The following MED12L variants were observed in gnomAD, a reference collection of about 807,000 sequenced individuals.
MED12L encodes the protein mediator of RNA polymerase II transcription subunit 12-like protein.
In MED12L, 60 loss-of-function variants were observed where a neutral mutation model predicts 281.3. The ratio of observed to expected loss-of-function variants is 0.21; its 90% confidence interval spans 0.17 to 0.26. The LOEUF is 0.26. Among genes scored for constraint, MED12L ranks in the 10% least tolerant of loss-of-function variants. The pLI is 1.00. For missense variants in MED12L, 2,146 were observed against 2,680.9 expected (o/e 0.80, Z 4.41); for synonymous variants, 974 against 987.2 (o/e 0.99, Z 0.25).
At position 151,432,948 on chromosome 3, in the gene MED12L, A is replaced by G. The variant is rs1301943996; in HGVS notation, c.*144A>G. The G allele has an allele frequency of 1.1e-4, 68 of 630,404 alleles. 2 individuals carry two copies. In the East Asian group the frequency reaches 1.8e-3, roughly 17 times the overall value. The allele number at this position is 630,404 out of a possible 1,614,324, so 39.1% of individuals were successfully genotyped here. A position where few individuals can be genotyped will look rare whatever the true frequency, so the allele number is the denominator to read the frequency against. On this transcript the variant is annotated 3_prime_UTR_variant, in exon 45 of 45. Transcript: ENST00000687756. ...ATTTTATGCTACATCTCACAAAAAA[A>G]AAAAAAGGTGTTTAAACAAAAAGCC...
chr3:151,418,637 G>A (rs983836045), intron 43 of MED12L, among the ~76,000 whole-genome samples: 3 of 152,154 alleles, frequency 2.0e-5, no homozygotes, highest in South Asian at 2.1e-4. Flanking sequence ...GATATACATT[G>A]TTGGTGATAT....
Position 151,247,262 on chromosome 3 carries a change from G to A in MED12L, c.2250+53596G>A, listed in dbSNP as rs1275254947. ...ATTTGACCCAGCCATCCCATTACTG[G>A]GTATATACCCAAAGGATTATAAATC... On this transcript the variant is annotated intron_variant, in intron 16 of 44. Coordinates refer to ENST00000687756, the MANE Select transcript of MED12L (RefSeq NM_001393769.1). 2.6e-5 allele frequency among the ~76,000 whole-genome samples: 4 copies of A among 151,846 alleles called. No homozygotes were observed. The South Asian group carries it at 8.3e-4, about 32-fold the overall frequency.
intron 16 of MED12L, among the ~76,000 whole-genome samples, chr3:151,195,910 A>AG (rs201301402): frequency 0.018 from 2,799 of 152,330 alleles, 34 homozygotes; most frequent in Non-Finnish European, 0.029. Context: ...GAAAGAATTA[A>AG]GGGGGGTGAT....
chr3:151,339,609 C>T (rs567240222), intron 16 of MED12L, among the ~76,000 whole-genome samples: 1 of 151,702 alleles, frequency 6.6e-6, no homozygotes, highest in East Asian at 1.9e-4. Context: ...CATACATTTT[C>T]TTGAATATCA....
At chr3:151,205,029 C>A (rs1044333977) in intron 16 of MED12L, among the ~76,000 whole-genome samples, 8 of 152,144 alleles carry the variant, frequency 5.3e-5, no homozygotes, top group South Asian at 4.1e-4. Flanking sequence ...AATCATATTC[C>A]TCCTTCTGAG....
intron 5 of MED12L, among the ~76,000 whole-genome samples, chr3:151,155,273 C>T (rs571204248): frequency 1.1e-4 from 17 of 152,098 alleles, no homozygotes; most frequent in Non-Finnish European, 2.1e-4. Context: ...GCAATTATTA[C>T]ATTTTTATCC....
intron 23 of MED12L, among the ~76,000 whole-genome samples, chr3:151,366,769 G>T (rs1755335770): frequency 6.6e-6 from 1 of 152,118 alleles, no homozygotes; most frequent in African/African-American, 2.4e-5. Flanking sequence ...GAAGACTTAA[G>T]AATTTATGTA....
chr3:151,184,759 C>T (rs972994993), intron 11 of MED12L, among the ~76,000 whole-genome samples: 10 of 152,114 alleles, frequency 6.6e-5, no homozygotes, highest in East Asian at 5.8e-4. Flanking sequence ...ATTGTTGGTT[C>T]GTTTTGGTGC....
At position 151,132,111 on chromosome 3, in the gene MED12L, T is replaced by C. The variant is rs528035921; in HGVS notation, c.556+4127T>C. ...TAATAATATTTCTTATGTTAGAGTA[T>C]CCAGGCTTTGAACTAAGACAGGCCA... On this transcript the variant is annotated intron_variant, in intron 5 of 44. Coordinates refer to ENST00000687756, the MANE Select transcript of MED12L (RefSeq NM_001393769.1). Among the ~76,000 whole-genome samples the C allele has an allele frequency of 3.3e-5, 5 of 152,338 alleles. No homozygotes were observed. The South Asian group carries it at 8.3e-4, about 25-fold the overall frequency.
chr3:151,180,678 G>A (rs185826873), intron 11 of MED12L, among the ~76,000 whole-genome samples: 14 of 152,254 alleles, frequency 9.2e-5, no homozygotes, highest in Admixed American at 1.3e-4. Context: ...AGGTGAAGAC[G>A]TGTCAGTTAC....
chr3:151,346,628 G>C (rs1225680072), intron 16 of MED12L, among the ~76,000 whole-genome samples: 1 of 152,118 alleles, frequency 6.6e-6, no homozygotes, highest in Admixed American at 6.5e-5. Flanking sequence ...CCCCTGACTT[G>C]TGTGACCCTG....
chr3:151,371,671 G>A (rs1277060611), intron 26 of MED12L, among the ~76,000 whole-genome samples: 6 of 152,142 alleles, frequency 3.9e-5, no homozygotes, highest in Admixed American at 2.0e-4. Context: ...AAGGCCTACT[G>A]TAAAAGCATT....
At chr3:151,089,917 A>G (rs960541726) in intron 2 of MED12L, among the ~76,000 whole-genome samples, 9 of 152,164 alleles carry the variant, frequency 5.9e-5, no homozygotes, top group Non-Finnish European at 7.3e-5. Context: ...CTCTACATCC[A>G]TGCGCACATC....
At chr3:151,328,516 G>A in intron 16 of MED12L, 2 of 1,613,954 alleles carry the variant, frequency 1.2e-6, no homozygotes, top group Non-Finnish European at 1.7e-6. Context: ...TGTTGCTCAA[G>A]ATCGTATTTG....
intron 16 of MED12L, among the ~76,000 whole-genome samples, chr3:151,321,279 A>G (rs1390374434): frequency 6.6e-6 from 1 of 152,106 alleles, no homozygotes; most frequent in African/African-American, 2.4e-5. Flanking sequence ...TTTATTCCAG[A>G]CTATCTGAAA....
intron 10 of MED12L, 76 bp downstream of exon 10, chr3:151,165,595 T>A: frequency 7.8e-7 from 1 of 1,281,418 alleles, no homozygotes. Flanking sequence ...TATAAACCAT[T>A]CCACATGAAT....
At chr3:151,324,062 G>C (rs915625755) in intron 16 of MED12L, among the ~76,000 whole-genome samples, 3 of 152,204 alleles carry the variant, frequency 2.0e-5, no homozygotes, top group East Asian at 3.9e-4. Context: ...TGCTGGTCTT[G>C]AGACCACCTT....
rs183666747 is a variant in MED12L, at chr3:151,349,956, C to G, written c.2251-103C>G. 4 of 1,072,662 alleles carry G rather than the reference C, an allele frequency of 3.7e-6. No individual in the cohort carries two copies. The East Asian group carries it at 8.2e-5, about 22-fold the overall frequency. 66.4% of individuals were successfully genotyped at this position (1,072,662 alleles called of 1,614,324 possible). A position where few individuals can be genotyped will look rare whatever the true frequency, so the allele number is the denominator to read the frequency against. Reference sequence around the variant, plus strand: ...TGAAGGGAGGGCGGGATGCCACCACCGCAAGCCAGCATGGAGGTGCTGTGG... The same window carrying G: ...TGAAGGGAGGGCGGGATGCCACCACGGCAAGCCAGCATGGAGGTGCTGTGG... On this transcript the variant is annotated intron_variant, in intron 16 of 44. Transcript: ENST00000687756.
chr3:151,087,375 ATCG>A (rs1014926803), intron 2 of MED12L, among the ~76,000 whole-genome samples: 1 of 152,328 alleles, frequency 6.6e-6, no homozygotes, highest in Non-Finnish European at 1.5e-5. Context: ...GCTTCGGTAA[ATCG>A]TCGTAAACTT....
Sources: gnomAD v4.1 joint callset for allele counts (sites outside exome capture counted in the v4.1 genomes callset) on GRCh38, gnomAD v4.1.1 for gene constraint, MANE v1.5 for transcripts, NCBI Gene and HGNC (gene_info 2026-07-23, HGNC 2026-07-21) for gene names.